The following IGFL2 variants were observed in gnomAD, a reference collection of about 807,000 sequenced individuals.
IGFL2 encodes insulin growth factor-like family member 2.
IGFL2 carries 7 observed loss-of-function variants against 13.9 expected under a neutral mutation model. That is an observed-to-expected ratio of 0.51 (90% CI 0.29 to 0.95). The LOEUF is 0.95. Among genes scored for constraint, IGFL2 ranks in the 40% least tolerant of loss-of-function variants. The probability of loss-of-function intolerance (pLI) is 0.08; values close to 1 mark genes in which losing one functional copy is unlikely to be tolerated. For missense variants in IGFL2, 138 were observed against 147.8 expected, an observed-to-expected ratio of 0.93 and a Z score of 0.34; for synonymous variants, 55 against 55.8, an observed-to-expected ratio of 0.99 and a Z score of 0.07.
chr19:46,105,834 A>G, the IGFL2 span, among the ~76,000 whole-genome samples: 7 of 152,328 alleles, frequency 4.6e-5, no homozygotes, highest in East Asian at 1.4e-3. Context: ...GAAAGGCTAC[A>G]GGGTGCAGTC....
the IGFL2 span, among the ~76,000 whole-genome samples, chr19:46,171,170 T>G: frequency 6.6e-6 from 1 of 152,186 alleles, no homozygotes; most frequent in Non-Finnish European, 1.5e-5. Flanking sequence ...TACCATTTCT[T>G]TCTTTTGTAC....
At chr19:46,129,313 G>C in the IGFL2 span, among the ~76,000 whole-genome samples, 1 of 133,166 alleles carries the variant, frequency 7.5e-6, no homozygotes, top group Non-Finnish European at 1.6e-5. Flanking sequence ...TCTTTTGTGT[G>C]TGTGTGTGTG....
At chr19:46,100,787 C>G in the IGFL2 span, among the ~76,000 whole-genome samples, 1 of 152,176 alleles carries the variant, frequency 6.6e-6, no homozygotes, top group Non-Finnish European at 1.5e-5. Context: ...TCCTTTTAGC[C>G]AGATGCATTT....
chr19:46,145,632 GTGTATTTATT>G (rs1166294034), upstream of IGFL2, among the ~76,000 whole-genome samples: 1 of 148,530 alleles, frequency 6.7e-6, no homozygotes, highest in Non-Finnish European at 1.5e-5. Context: ...GTGTGTGTGT[GTGTATTTATT>G]TATTTATTTA....
At chr19:46,178,633 C>T in the IGFL2 span, among the ~76,000 whole-genome samples, 1 of 152,132 alleles carries the variant, frequency 6.6e-6, no homozygotes, top group East Asian at 1.9e-4. Flanking sequence ...ATAAAAAGAA[C>T]CTTGGTTTCC....
chr19:46,194,271 G>A, the IGFL2 span, among the ~76,000 whole-genome samples: 1 of 152,006 alleles, frequency 6.6e-6, no homozygotes. Context: ...ACCCAGTGAG[G>A]CGTTGACTCC....
At chr19:46,199,344 C>T in the IGFL2 span, among the ~76,000 whole-genome samples, 1 of 152,224 alleles carries the variant, frequency 6.6e-6, no homozygotes, top group Non-Finnish European at 1.5e-5. Flanking sequence ...GAGTTCCAAC[C>T]CCTGAGGATC....
the IGFL2 span, chr19:46,214,278 T>G: frequency 6.6e-6 from 1 of 152,222 alleles, no homozygotes; most frequent in Non-Finnish European, 1.5e-5. Flanking sequence ...ATGCCACGCA[T>G]GCACACAGAT....
chr19:46,085,826 A>G, the IGFL2 span, among the ~76,000 whole-genome samples: 1 of 152,184 alleles, frequency 6.6e-6, no homozygotes, highest in Non-Finnish European at 1.5e-5. Context: ...GGCAGTAATG[A>G]AGTCCCTTAG....
the IGFL2 span, among the ~76,000 whole-genome samples, chr19:46,168,993 G>T: frequency 3.0e-3 from 452 of 150,612 alleles, 5 homozygotes; most frequent in African/African-American, 0.01. Flanking sequence ...CTATGTGTTT[G>T]TTTGCCCACT....
chr19:46,107,542 G>A, the IGFL2 span, among the ~76,000 whole-genome samples: 1 of 152,330 alleles, frequency 6.6e-6, no homozygotes, highest in African/African-American at 2.4e-5. Flanking sequence ...CTGGAGGAAT[G>A]CCTGGCTGCT....
the IGFL2 span, among the ~76,000 whole-genome samples, chr19:46,184,949 G>A: frequency 3.3e-5 from 5 of 152,268 alleles, no homozygotes; most frequent in Admixed American, 6.5e-5. Context: ...TCTAGCTGGC[G>A]TCAGATGGTA....
the IGFL2 span, among the ~76,000 whole-genome samples, chr19:46,121,681 A>T: frequency 1.3e-5 from 2 of 151,018 alleles, no homozygotes; most frequent in African/African-American, 2.5e-5. Context: ...TCACCAAGAC[A>T]GTTGTAAAGA....
the IGFL2 span, among the ~76,000 whole-genome samples, chr19:46,185,774 G>T: frequency 6.6e-6 from 1 of 152,162 alleles, no homozygotes; most frequent in South Asian, 2.1e-4. Context: ...TTATAACCTT[G>T]ACTAAAGTTT....
the IGFL2 span, among the ~76,000 whole-genome samples, chr19:46,099,533 C>CTTTCT: frequency 7.0e-6 from 1 of 142,486 alleles, no homozygotes; most frequent in Admixed American, 7.0e-5. Flanking sequence ...TTCTTTCTTT[C>CTTTCT]TTTTTTTTTT....
chr19:46,187,827 G>A, the IGFL2 span, among the ~76,000 whole-genome samples: 2 of 136,268 alleles, frequency 1.5e-5, no homozygotes, highest in African/African-American at 5.6e-5. Context: ...TGTGTGCTAC[G>A]TGCTACCTGA....
chr19:46,120,154 G>C, the IGFL2 span: 58 of 788,508 alleles, frequency 7.4e-5, 3 homozygotes, highest in African/African-American at 9.7e-4. Context: ...AAGCAGGAAG[G>C]CATTCTTCCC....
chr19:46,107,875 G>A, the IGFL2 span, among the ~76,000 whole-genome samples: 16 of 152,252 alleles, frequency 1.1e-4, no homozygotes, highest in African/African-American at 3.9e-4. Flanking sequence ...AACTGGGCTG[G>A]GTTTTTATAT....
At chr19:46,109,562 C>T in the IGFL2 span, among the ~76,000 whole-genome samples, 1 of 152,242 alleles carries the variant, frequency 6.6e-6, no homozygotes, top group East Asian at 1.9e-4. Context: ...GTGATCCACC[C>T]ACCTCGGCCT....
Sources: gnomAD v4.1 joint callset for allele counts (sites outside exome capture counted in the v4.1 genomes callset) on GRCh38, gnomAD v4.1.1 for gene constraint, MANE v1.5 for transcripts, NCBI Gene and HGNC (gene_info 2026-07-23, HGNC 2026-07-21) for gene names.